Variants in DCHS2 observed in about 807,000 individuals in gnomAD.
DCHS2 encodes the protein protocadherin-23.
DCHS2 carries 142 observed loss-of-function variants against 182.4 expected under a neutral mutation model. That is an observed-to-expected ratio of 0.78 (90% CI 0.68 to 0.89). The LOEUF is 0.89. Among genes scored for constraint, DCHS2 ranks in the 40% least tolerant of loss-of-function variants. DCHS2 has a pLI of 0.00. For missense variants in DCHS2, 4,319 were observed against 4,198.6 expected (o/e 1.03, Z -0.79); for synonymous variants, 1,740 against 1,663.3 (o/e 1.05, Z -1.12).
intron 14 of DCHS2, among the ~76,000 whole-genome samples, chr4:154,268,448 G>T (rs1733408500): frequency 6.6e-6 from 1 of 152,136 alleles, no homozygotes; most frequent in Admixed American, 6.6e-5. Flanking sequence ...GACAAAAGGA[G>T]GATTTACTTC....
intron 12 of DCHS2, 38 bp downstream of exon 12, chr4:154,304,627 TTAAA>T: frequency 7.2e-7 from 1 of 1,392,222 alleles, no homozygotes; most frequent in Non-Finnish European, 9.7e-7. Context: ...AGACTCTGTC[TTAAA>T]AAAACAAACA....
intron 1 of DCHS2, among the ~76,000 whole-genome samples, chr4:154,450,619 G>A (rs886420447): frequency 6.6e-6 from 1 of 152,042 alleles, no homozygotes; most frequent in Admixed American, 6.6e-5. Flanking sequence ...GATTACCTGA[G>A]GTCAGGAGTT....
At chr4:154,389,516 T>TTA (rs72440696) in intron 1 of DCHS2, among the ~76,000 whole-genome samples, 1,643 of 111,160 alleles carry the variant, frequency 0.015, 114 homozygotes, top group Non-Finnish European at 0.015. Flanking sequence ...AAGACAAAGG[T>TTA]TATATATATA....
chr4:154,255,195 T>G (rs1334811828), intron 16 of DCHS2, among the ~76,000 whole-genome samples: 2 of 152,230 alleles, frequency 1.3e-5, no homozygotes. Context: ...CAGAGGGCTC[T>G]CTAGTTCATT....
Position 154,491,197 on chromosome 4 carries a change from G to A in DCHS2, c.159C>T (p.His53=), listed in dbSNP as rs1459633637. The A allele has an allele frequency of 1.9e-6, 3 of 1,551,486 alleles. No homozygotes were observed. The highest frequency in any genetic ancestry group is 2.4e-5 in the East Asian group (1 of 40,894). ...TQRSLLWLLV[H]VWLWAASGSS... ...AGCCCGAGGCCGCCCACAGCCACAC[G>A]TGCACCAAGAGCCAGAGCAGGGAGC... Residue 53 remains histidine, a synonymous_variant, in exon 1 of 20, where the codon CAC becomes CAT. Transcript: ENST00000357232.
chr4:154,361,222 C>A (rs1249442404), intron 3 of DCHS2, among the ~76,000 whole-genome samples: 1 of 152,094 alleles, frequency 6.6e-6, no homozygotes, highest in Admixed American at 6.6e-5. Flanking sequence ...AAGCTTGAAA[C>A]CTGCCTGTTG....
intron 17 of DCHS2, among the ~76,000 whole-genome samples, chr4:154,242,404 T>C (rs774619461): frequency 2.0e-5 from 3 of 152,142 alleles, no homozygotes; most frequent in Non-Finnish European, 2.9e-5. Context: ...TATAAACAGA[T>C]ACTATAAGGG....
At chr4:154,324,616 T>A (rs1332228863) in intron 7 of DCHS2, among the ~76,000 whole-genome samples, 2 of 152,188 alleles carry the variant, frequency 1.3e-5, no homozygotes, top group Non-Finnish European at 2.9e-5. Context: ...TCTGAACATT[T>A]CAAACAGTTC....
Position 154,236,022 on chromosome 4 carries a change from T to C in DCHS2, c.8630A>G (p.Glu2877Gly). 1 of 1,613,938 alleles carries C rather than the reference T, an allele frequency of 6.2e-7. No individual in the cohort carries two copies. The change falls in exon 20 of 20, where the codon GAG becomes GGG. Residue 2877 changes from glutamate (E) to glycine (G), a missense_variant. Glu to Gly is a moderately conservative substitution (Grantham distance 98). Coordinates refer to ENST00000357232, the MANE Select transcript of DCHS2 (RefSeq NM_001358235.2). ...WVDIEGIDEF[E>G]PIFTQDQYFF... The stretch of plus-strand genomic sequence containing the variant: ...ATACTGATCTTGAGTGAAAATGGGC[T>C]CAAATTCATCTATCCCTTCAATATC...
In DCHS2 at chr4:154,298,658, A is replaced by G. The variant is rs1249986019; in HGVS notation, c.5656T>C (p.Ser1886Pro). ...FTINEMSGEL[S>P]TTRALDREQI... ...TCCCGGTCCAAAGCACGAGTGGTTG[A>G]GAGTTCTCCTGACATCTCATTTATA... Residue 1886 changes from serine (S) to proline (P), a missense_variant, in exon 13 of 20, where the codon TCA (serine) becomes CCA (proline). Transcript: ENST00000357232. 6 of 1,612,440 alleles carry G rather than the reference A, an allele frequency of 3.7e-6. No individual in the cohort carries two copies. The Admixed American group carries it at 5.0e-5, about 14-fold the overall frequency.
intron 14 of DCHS2, among the ~76,000 whole-genome samples, chr4:154,266,997 G>A (rs377296056): frequency 4.6e-5 from 7 of 152,104 alleles, no homozygotes; most frequent in African/African-American, 1.7e-4. Flanking sequence ...TTGTCTTGCT[G>A]TGTGAATTAT....
rs1308085994 is a variant in DCHS2, at chr4:154,240,708, A to C, written c.7188T>G (p.Asp2396Glu). 1.2e-6 allele frequency: 2 copies of C among 1,613,996 alleles called. No individual in the cohort carries two copies. Among genetic ancestry groups the C allele is most frequent in the South Asian group, 2.2e-5 (2 of 91,082 alleles). ...ESNPGTKFAI[D>E]QNTGVVVLVK... is the part of the protein sequence containing the mutation. ...CCAACACCACCACTCCAGTGTTCTGATCAATAGCAAACTTGGTTCCAGGAT... is the reference window on the plus strand; with the variant it reads ...CCAACACCACCACTCCAGTGTTCTGCTCAATAGCAAACTTGGTTCCAGGAT... The change falls in exon 18 of 20, where the codon GAT becomes GAG. Residue 2396 changes from aspartate to glutamate, a missense_variant. By Grantham distance (45) the Asp-to-Glu change is conservative. Coordinates refer to ENST00000357232, the MANE Select transcript of DCHS2 (RefSeq NM_001358235.2).
intron 3 of DCHS2, among the ~76,000 whole-genome samples, chr4:154,344,232 T>C (rs1229836227): frequency 1.3e-5 from 2 of 152,156 alleles, no homozygotes; most frequent in Admixed American, 6.5e-5. Context: ...AAGTTTGAAA[T>C]GTTATGAGAA....
At chr4:154,279,980 T>C (rs933702389) in intron 13 of DCHS2, among the ~76,000 whole-genome samples, 2 of 151,560 alleles carry the variant, frequency 1.3e-5, no homozygotes, top group Non-Finnish European at 2.9e-5. Flanking sequence ...TTAGCTAGAC[T>C]AATGAGACAG....
At chr4:154,311,118 G>A (rs538788385) in intron 10 of DCHS2, among the ~76,000 whole-genome samples, 5 of 152,290 alleles carry the variant, frequency 3.3e-5, no homozygotes, top group Admixed American at 1.3e-4. Context: ...GAACAGACAG[G>A]AAAGCTGATT....
At chr4:154,373,852 C>A in intron 2 of DCHS2, 2 of 1,319,976 alleles carry the variant, frequency 1.5e-6, no homozygotes, top group Admixed American at 2.0e-5. Context: ...AAACTCGAAG[C>A]TCTGACAACC....
At chr4:154,424,863 T>C (rs1476143757) in intron 1 of DCHS2, among the ~76,000 whole-genome samples, 2 of 152,244 alleles carry the variant, frequency 1.3e-5, no homozygotes, top group East Asian at 3.8e-4. Context: ...TAATGGCAGC[T>C]GGAAGTCTCC....
At chr4:154,407,240 C>T (rs942096979) in intron 1 of DCHS2, among the ~76,000 whole-genome samples, 1 of 152,194 alleles carries the variant, frequency 6.6e-6, no homozygotes, top group African/African-American at 2.4e-5. Context: ...TGTTACAAAT[C>T]TGGCTTTAGA....
In DCHS2 at chr4:154,471,543, T is replaced by C. The variant is rs186663283; in HGVS notation, c.2052+17761A>G. 2.0e-3 allele frequency among the ~76,000 whole-genome samples: 303 copies of C among 152,266 alleles called. 1 individual carries two copies. Among genetic ancestry groups the C allele is most frequent in the African/African-American group, 6.9e-3 (286 of 41,560 alleles). On this transcript the variant is annotated intron_variant, in intron 1 of 19. Transcript: ENST00000357232. ...TTAACTGGCTATCCTCAGTCACAGA[T>C]GATTTTTACTTTTCAGTTAATAAAT... is the stretch of plus-strand genomic sequence containing the variant.
Sources: allele counts gnomAD v4.1 joint callset (sites outside exome capture counted in the v4.1 genomes callset), GRCh38; gene constraint gnomAD v4.1.1; transcripts MANE v1.5; gene names NCBI Gene and HGNC (gene_info 2026-07-23, HGNC 2026-07-21).